Variants in RPS6KA2 observed in about 807,000 individuals in gnomAD.
RPS6KA2 encodes ribosomal protein S6 kinase alpha-2.
Under a neutral mutation model 91.8 loss-of-function variants are expected in RPS6KA2, and 42 were observed. The ratio of observed to expected loss-of-function variants is 0.46; its 90% CI spans 0.36 to 0.59. RPS6KA2 has a LOEUF of 0.59. Among genes scored for constraint, RPS6KA2 ranks in the 20% least tolerant of loss-of-function variants. The pLI is 0.00. For missense variants in RPS6KA2, 798 were observed against 978.5 expected (o/e 0.82, Z 2.46); for synonymous variants, 414 against 393.6 (o/e 1.05, Z -0.61).
At chr6:166,452,432 A>G (rs932991188) in intron 12 of RPS6KA2, among the ~76,000 whole-genome samples, 1 of 152,216 alleles carries the variant, frequency 6.6e-6, no homozygotes, top group Non-Finnish European at 1.5e-5. Context: ...ATCTCTATCA[A>G]AAAACCAACG....
At chr6:166,576,016 GT>G (rs1784828113) in intron 1 of RPS6KA2, among the ~76,000 whole-genome samples, 2 of 152,122 alleles carry the variant, frequency 1.3e-5, no homozygotes, top group South Asian at 4.1e-4. Context: ...CATAGAGGTG[GT>G]TTCCCCCTTG....
At chr6:166,469,363 G>T (rs1780668859) in intron 11 of RPS6KA2, among the ~76,000 whole-genome samples, 1 of 147,058 alleles carries the variant, frequency 6.8e-6, no homozygotes, top group African/African-American at 2.6e-5. Flanking sequence ...CTTCCACGTG[G>T]GCATCAGCTT....
Position 166,708,856 on chromosome 6 carries a change from T to C in RPS6KA2, c.123+149344A>G, listed in dbSNP as rs139078767. 8.1e-4 allele frequency among the ~76,000 whole-genome samples: 124 copies of C among 152,374 alleles called. No individual in the cohort carries two copies. The East Asian group carries it at 0.019, about 23-fold the overall frequency. On this transcript the variant is annotated intron_variant, in intron 2 of 21. Transcript: ENST00000503859. ...TGAACTGAAGTCTCCACCATTAATT[T>C]TCATGGGCAATACATGATAAAATAA...
chr6:166,699,358 G>C (rs527462527), intron 2 of RPS6KA2, among the ~76,000 whole-genome samples: 4 of 152,088 alleles, frequency 2.6e-5, no homozygotes, highest in African/African-American at 9.7e-5. Flanking sequence ...AAGAGTCAAA[G>C]GTAAAAGGGC....
chr6:166,658,240 C>T (rs990830855), intron 2 of RPS6KA2, among the ~76,000 whole-genome samples: 2 of 152,084 alleles, frequency 1.3e-5, no homozygotes, highest in Non-Finnish European at 1.5e-5. Context: ...TTGATGGCCT[C>T]GGTGAGGAAG....
Position 166,490,768 on chromosome 6 carries a change from G to A in RPS6KA2, c.748-27C>T, listed in dbSNP as rs1781561478. ...TGCAGAGCAACACAGAGCACAGTGA[G>A]TTCATTCATCCAGATGGACCCGGCT... On this transcript the variant is annotated intron_variant, in intron 8 of 20. Coordinates refer to ENST00000265678, the MANE Select transcript of RPS6KA2 (RefSeq NM_021135.6). This position sits in a 1 kb window ranked among gnomAD's most constrained non-coding sequence, Gnocchi z 4.2. The A allele has an allele frequency of 1.3e-6, 2 of 1,584,092 alleles. No individual in the cohort carries two copies. Among genetic ancestry groups the A allele is most frequent in the Non-Finnish European group, 1.7e-6 (2 of 1,155,374 alleles).
chr6:166,845,051 C>T (rs1780573271), intron 2 of RPS6KA2, among the ~76,000 whole-genome samples: 2 of 152,046 alleles, frequency 1.3e-5, no homozygotes, highest in East Asian at 3.8e-4. Context: ...CAAAAGCAAG[C>T]AGGAGTAACT....
intron 1 of RPS6KA2, among the ~76,000 whole-genome samples, chr6:166,591,161 T>C (rs1785342441): frequency 6.6e-6 from 1 of 152,212 alleles, no homozygotes; most frequent in African/African-American, 2.4e-5. Flanking sequence ...TCTTCATAGA[T>C]GCAGGTGATG....
Position 166,490,840 on chromosome 6 carries a change from C to T in RPS6KA2, c.748-99G>A, listed in dbSNP as rs1781564838. The T allele has an allele frequency of 1.2e-6, 1 of 845,084 alleles. No homozygotes were observed. Among genetic ancestry groups the T allele is most frequent in the Non-Finnish European group, 1.9e-6 (1 of 520,468 alleles). 52.3% of individuals were successfully genotyped at this position (845,084 alleles called of 1,614,324 possible). On this transcript the variant is annotated intron_variant, in intron 8 of 20. Transcript: ENST00000265678. The surrounding 1 kb of genome is among the most constrained non-coding windows in gnomAD (Gnocchi z 4.2). ...GGGCAGCCTGCTACCGTGTCCATTT[C>T]CTCATGCAAAATCTCCATCAGTCAA... is the stretch of plus-strand genomic sequence containing the variant.
intron 2 of RPS6KA2, among the ~76,000 whole-genome samples, chr6:166,640,371 A>G (rs1787387092): frequency 6.6e-6 from 1 of 152,244 alleles, no homozygotes; most frequent in African/African-American, 2.4e-5. Context: ...AAATACCTCT[A>G]CTAGAGATGA....
intron 10 of RPS6KA2, among the ~76,000 whole-genome samples, chr6:166,476,998 A>G (rs1781002337): frequency 6.6e-6 from 1 of 152,154 alleles, no homozygotes. Context: ...TGGAGGAACG[A>G]GAATAAGGCT....
chr6:166,564,574 AGTC>A (rs1784437365), intron 1 of RPS6KA2, among the ~76,000 whole-genome samples: 1 of 152,234 alleles, frequency 6.6e-6, no homozygotes, highest in Admixed American at 6.5e-5. Context: ...GACAGATTTC[AGTC>A]TGAATTTCCC....
chr6:166,497,682 C>T (rs1238564224), intron 8 of RPS6KA2, among the ~76,000 whole-genome samples: 1 of 152,224 alleles, frequency 6.6e-6, no homozygotes, highest in Non-Finnish European at 1.5e-5. Context: ...GGTTCCCTAG[C>T]AAGGGGACGA....
chr6:166,456,701 A>C (rs1780117580), intron 12 of RPS6KA2, among the ~76,000 whole-genome samples: 1 of 152,238 alleles, frequency 6.6e-6, no homozygotes, highest in Admixed American at 6.5e-5. Flanking sequence ...TCATTCACCC[A>C]GCCATGTGCT....
At chr6:166,647,852 A>G (rs899448920) in intron 2 of RPS6KA2, among the ~76,000 whole-genome samples, 4 of 121,348 alleles carry the variant, frequency 3.3e-5, no homozygotes, top group Admixed American at 3.2e-4. Flanking sequence ...ACGCACACGC[A>G]CATGCTCATA....
At chr6:166,782,581 C>T (rs969849684) in intron 2 of RPS6KA2, among the ~76,000 whole-genome samples, 6 of 152,130 alleles carry the variant, frequency 3.9e-5, no homozygotes, top group African/African-American at 7.2e-5. Context: ...GACTCGATCC[C>T]GAGGCCCGGA....
At chr6:166,424,377 G>A (rs1346420974) in intron 16 of RPS6KA2, among the ~76,000 whole-genome samples, 1 of 152,236 alleles carries the variant, frequency 6.6e-6, no homozygotes, top group Non-Finnish European at 1.5e-5. Flanking sequence ...ACCCCAGTGT[G>A]TGGTCCTGGA....
intron 12 of RPS6KA2, among the ~76,000 whole-genome samples, chr6:166,453,154 T>C (rs1041620206): frequency 6.6e-6 from 1 of 151,314 alleles, no homozygotes; most frequent in Non-Finnish European, 1.5e-5. Flanking sequence ...TGAGCCAAGA[T>C]GGCGTCACTG....
rs1780691872 is a variant in RPS6KA2, at chr6:166,469,869, T to C, written c.944A>G (p.His315Arg). 6.2e-7 allele frequency: 1 copy of C among 1,614,212 alleles called. No homozygotes were observed. Among genetic ancestry groups the C allele is most frequent in the Non-Finnish European group, 8.5e-7 (1 of 1,180,016 alleles). Residue 315 changes from histidine (H) to arginine (R), a missense_variant, in exon 11 of 21, where the codon CAT becomes CGT. By Grantham distance (29) the His-to-Arg change is conservative. Coordinates refer to ENST00000265678, the MANE Select transcript of RPS6KA2 (RefSeq NM_021135.6). Reference protein sequence around the residue: ...GIDGVEEIKRHPFFVTIDWNT... With the variant: ...GIDGVEEIKRRPFFVTIDWNT... The stretch of plus-strand genomic sequence containing the variant: ...CCAGTCTATGGTCACAAAGAAGGGA[T>C]GGCGCTTAATTTCCTCCACTCCGTC...
Sources: gnomAD v4.1 joint callset for allele counts (sites outside exome capture counted in the v4.1 genomes callset) on GRCh38, gnomAD v4.1.1 for gene constraint, Gnocchi (gnomAD v3.1) non-coding constraint, MANE v1.5 for transcripts, NCBI Gene and HGNC (gene_info 2026-07-23, HGNC 2026-07-21) for gene names.